The following GSG1L variants were observed in gnomAD, a reference collection of about 807,000 sequenced individuals.
GSG1L encodes the protein GSG1 like, also known as germ cell-specific gene 1-like protein.
In GSG1L, 24 loss-of-function variants were observed where a neutral mutation model predicts 42.1. The observed-to-expected ratio is 0.57, with a 90% CI of 0.41 to 0.80. GSG1L has a LOEUF of 0.80. GSG1L is among the 30% of genes least tolerant of loss of function. The pLI, the probability that GSG1L is intolerant of heterozygous loss-of-function variation, is 0.00. For synonymous variants in GSG1L, 215 were observed against 203.5 expected (o/e 1.06, Z -0.48); for missense variants, 445 against 472.2 (o/e 0.94, Z 0.53).
At chr16:27,849,197 C>CA (rs538757457) in intron 3 of GSG1L, among the ~76,000 whole-genome samples, 4,856 of 112,438 alleles carry the variant, frequency 0.043, 152 homozygotes, top group African/African-American at 0.077. Context: ...GCCTCTATCC[C>CA]AAAAAGAAAA....
chr16:27,811,242 A>G (rs759581982), intron 5 of GSG1L, among the ~76,000 whole-genome samples: 4 of 152,176 alleles, frequency 2.6e-5, no homozygotes, highest in Non-Finnish European at 4.4e-5. Context: ...GAAATTTTTC[A>G]TTTGAGTACA....
chr16:27,802,808 C>T (rs1408567875), intron 6 of GSG1L, among the ~76,000 whole-genome samples: 1 of 152,128 alleles, frequency 6.6e-6, no homozygotes, highest in African/African-American at 2.4e-5. Flanking sequence ...GCTTGCACCA[C>T]CATGCCCAGC....
At chr16:27,935,093 G>A (rs1240814021) in intron 2 of GSG1L, among the ~76,000 whole-genome samples, 1 of 152,254 alleles carries the variant, frequency 6.6e-6, no homozygotes, top group Non-Finnish European at 1.5e-5. Flanking sequence ...ATTTTAGACA[G>A]CACGGTCCAG....
chr16:27,980,107 C>A (rs1311313973), intron 1 of GSG1L, among the ~76,000 whole-genome samples: 1 of 152,106 alleles, frequency 6.6e-6, no homozygotes, highest in East Asian at 1.9e-4. Context: ...GTGGGGGGAA[C>A]CTGGCAGGGC....
At chr16:27,861,418 G>A (rs1285097514) in intron 3 of GSG1L, among the ~76,000 whole-genome samples, 1 of 152,078 alleles carries the variant, frequency 6.6e-6, no homozygotes, top group Non-Finnish European at 1.5e-5. Context: ...GCCAGTGGGA[G>A]TGTCAACTCT....
intron 1 of GSG1L, among the ~76,000 whole-genome samples, chr16:27,972,844 A>G (rs2085208382): frequency 6.6e-6 from 1 of 152,256 alleles, no homozygotes. Context: ...GGTGAGAATC[A>G]CAGCCTATTA....
chr16:27,949,638 C>T (rs542807464), intron 2 of GSG1L, among the ~76,000 whole-genome samples: 4 of 151,916 alleles, frequency 2.6e-5, no homozygotes, highest in East Asian at 1.9e-4. Flanking sequence ...AAAAAGGAAA[C>T]ATGACAGGCC....
intron 2 of GSG1L, among the ~76,000 whole-genome samples, chr16:27,889,984 C>G (rs535903564): frequency 6.6e-6 from 1 of 152,188 alleles, no homozygotes; most frequent in Admixed American, 6.5e-5. Flanking sequence ...CTCTATACAC[C>G]TAGGTAGTGG....
chr16:27,843,296 G>A (rs531623426), intron 4 of GSG1L, among the ~76,000 whole-genome samples: 2 of 152,116 alleles, frequency 1.3e-5, no homozygotes, highest in African/African-American at 2.4e-5. Flanking sequence ...GCCACGCTCT[G>A]GACCATGTGG....
intron 2 of GSG1L, among the ~76,000 whole-genome samples, chr16:27,925,604 G>T (rs984951139): frequency 6.6e-6 from 1 of 152,160 alleles, no homozygotes; most frequent in Non-Finnish European, 1.5e-5. Flanking sequence ...AGAGGTGGGT[G>T]CAGGGAGGCC....
chr16:27,858,986 G>C (rs1364382404), intron 3 of GSG1L, among the ~76,000 whole-genome samples: 1 of 152,168 alleles, frequency 6.6e-6, no homozygotes, highest in African/African-American at 2.4e-5. Context: ...GCCCCAGATG[G>C]AGAGAATGGT....
intron 3 of GSG1L, among the ~76,000 whole-genome samples, chr16:27,868,416 CACAGGGG>C (rs990244943): frequency 3.9e-5 from 6 of 152,310 alleles, no homozygotes; most frequent in Non-Finnish European, 8.8e-5. Flanking sequence ...TGGGGCCAGC[CACAGGGG>C]ATATGGCCGT....
chr16:28,030,833 T>G (rs1596715144), intron 1 of GSG1L, among the ~76,000 whole-genome samples: 1 of 113,446 alleles, frequency 8.8e-6, no homozygotes, highest in Non-Finnish European at 1.8e-5. Flanking sequence ...TGAGATGGGG[T>G]GGAATGGGAT....
chr16:27,791,758 G>T (rs1323225441), intron 6 of GSG1L, among the ~76,000 whole-genome samples: 1 of 151,810 alleles, frequency 6.6e-6, no homozygotes, highest in East Asian at 1.9e-4. Context: ...CCACGACTCT[G>T]CTCACACCCT....
chr16:27,845,128 G>T, intron 3 of GSG1L, 67 bp from the exon 4 acceptor site: 3 of 1,039,642 alleles, frequency 2.9e-6, no homozygotes, highest in Non-Finnish European at 2.9e-6. Context: ...CACACCCACA[G>T]CCTCTCTGCT....
chr16:27,943,159 A>T (rs2141085557), intron 2 of GSG1L, among the ~76,000 whole-genome samples: 1 of 151,982 alleles, frequency 6.6e-6, no homozygotes, highest in South Asian at 2.1e-4. Context: ...GCCTCAAGTG[A>T]TCCTCCTGTC....
chr16:27,814,687 G>GGA (rs2083074277), intron 5 of GSG1L, among the ~76,000 whole-genome samples: 1 of 109,080 alleles, frequency 9.2e-6, no homozygotes, highest in Admixed American at 1.0e-4. Flanking sequence ...CCCGTCTCAA[G>GGA]GAAAAAAAAA....
chr16:27,937,075 CT>C (rs2084727128), intron 2 of GSG1L, among the ~76,000 whole-genome samples: 2 of 152,220 alleles, frequency 1.3e-5, no homozygotes, highest in African/African-American at 2.4e-5. Context: ...TCACTCTGAC[CT>C]GCTGCCTGGA....
chr16:27,975,569 C>G (rs1444944759), intron 1 of GSG1L, among the ~76,000 whole-genome samples: 2 of 152,194 alleles, frequency 1.3e-5, no homozygotes, highest in East Asian at 3.8e-4. Flanking sequence ...GATCTATTTA[C>G]GTGTAGTCCT....
Sources: allele counts gnomAD v4.1 joint callset (sites outside exome capture counted in the v4.1 genomes callset), GRCh38; gene constraint gnomAD v4.1.1; transcripts MANE v1.5; gene names NCBI Gene and HGNC (gene_info 2026-07-23, HGNC 2026-07-21).